The following CPQ variants were observed in gnomAD, a reference collection of about 807,000 sequenced individuals.
CPQ encodes the protein carboxypeptidase Q.
Under a neutral mutation model 45.7 loss-of-function variants are expected in CPQ, and 37 were observed. The ratio of observed to expected loss-of-function variants is 0.81; its 90% CI spans 0.62 to 1.07. The LOEUF is 1.07. CPQ is among the 50% of genes least tolerant of loss of function. CPQ has a pLI of 0.00. For synonymous variants in CPQ, 186 were observed against 205.8 expected (o/e 0.90, Z 0.82); for missense variants, 537 against 572.9 (o/e 0.94, Z 0.64).
At chr8:97,065,326 T>C (rs1031069509) in intron 6 of CPQ, among the ~76,000 whole-genome samples, 12 of 152,250 alleles carry the variant, frequency 7.9e-5, no homozygotes, top group Non-Finnish European at 1.8e-4. Flanking sequence ...CTGTGTGCTT[T>C]CTTACCAGAC....
intron 7 of CPQ, among the ~76,000 whole-genome samples, chr8:97,129,848 C>G (rs951358410): frequency 6.6e-6 from 1 of 151,640 alleles, no homozygotes; most frequent in Non-Finnish European, 1.5e-5. Context: ...ATTATGCCCA[C>G]CACTCTTTCC....
intron 7 of CPQ, among the ~76,000 whole-genome samples, chr8:97,133,562 A>G (rs1242504725): frequency 6.6e-6 from 1 of 152,240 alleles, no homozygotes; most frequent in African/African-American, 2.4e-5. Context: ...TAATGAGAAT[A>G]TCAGTAAGAT....
At chr8:97,004,198 T>G (rs1384155363) in intron 5 of CPQ, among the ~76,000 whole-genome samples, 2 of 151,320 alleles carry the variant, frequency 1.3e-5, no homozygotes, top group African/African-American at 4.9e-5. Flanking sequence ...ACATAAAATA[T>G]TCATACAAAT....
chr8:96,763,657 A>G (rs1251977343), intron 1 of CPQ, among the ~76,000 whole-genome samples: 1 of 152,148 alleles, frequency 6.6e-6, no homozygotes, highest in African/African-American at 2.4e-5. Flanking sequence ...GGGACTACTC[A>G]TATCCAGAAT....
intron 4 of CPQ, among the ~76,000 whole-genome samples, chr8:96,906,996 TGATA>T (rs1192529913): frequency 1.3e-5 from 2 of 152,194 alleles, no homozygotes; most frequent in Non-Finnish European, 2.9e-5. Context: ...CAAGGCAGAT[TGATA>T]GAGACAGCTC....
chr8:96,825,872 C>T (rs1307920454), intron 2 of CPQ, among the ~76,000 whole-genome samples: 2 of 151,940 alleles, frequency 1.3e-5, no homozygotes, highest in East Asian at 3.9e-4. Context: ...TTATTTTAGC[C>T]CTCTAATATA....
chr8:96,661,592 C>T, intron 1 of CPQ, among the ~76,000 whole-genome samples: 1 of 152,180 alleles, frequency 6.6e-6, no homozygotes, highest in East Asian at 1.9e-4. Flanking sequence ...ATTTACTTCT[C>T]CTCCCTGTCT....
At chr8:97,118,816 A>AT (rs2130603450) in intron 7 of CPQ, among the ~76,000 whole-genome samples, 1 of 152,314 alleles carries the variant, frequency 6.6e-6, no homozygotes, top group East Asian at 1.9e-4. Flanking sequence ...TATATAGCAT[A>AT]TATACACACA....
intron 6 of CPQ, among the ~76,000 whole-genome samples, chr8:97,052,425 A>G (rs1031547370): frequency 6.6e-6 from 1 of 152,224 alleles, no homozygotes; most frequent in Non-Finnish European, 1.5e-5. Flanking sequence ...TAGTCCCAGG[A>G]CACATTTATT....
In CPQ at chr8:96,995,656, G is replaced by GT. The variant is rs368110623; in HGVS notation, c.961+29623dup. On this transcript the variant is annotated intron_variant, in intron 5 of 7. Transcript: ENST00000220763. Reference sequence around the variant, plus strand: ...CTGAGCTGAAATTTAGACTTGTGAGGTTTTTTTTTTTTTAAAAAAAAAACA... The same window carrying GT: ...CTGAGCTGAAATTTAGACTTGTGAGGTTTTTTTTTTTTTTAAAAAAAAAACA... Among the ~76,000 whole-genome samples, 561 of 142,344 alleles carry GT rather than the reference G, an allele frequency of 3.9e-3. 3 individuals carry two copies. The highest frequency in any genetic ancestry group is 0.013 in the South Asian group (56 of 4,436). 93.4% of individuals were successfully genotyped at this position (142,344 alleles called of 152,430 possible). A position where few individuals can be genotyped will look rare whatever the true frequency, so the allele number is the denominator to read the frequency against.
intron 4 of CPQ, among the ~76,000 whole-genome samples, chr8:96,935,217 G>T (rs1813029137): frequency 6.6e-6 from 1 of 152,090 alleles, no homozygotes; most frequent in Non-Finnish European, 1.5e-5. Context: ...ATGGCAACAG[G>T]CTTATATCCT....
chr8:96,854,869 C>G (rs191182821), intron 3 of CPQ, among the ~76,000 whole-genome samples: 3 of 152,170 alleles, frequency 2.0e-5, no homozygotes, highest in Non-Finnish European at 4.4e-5. Context: ...ACTTCAAATG[C>G]AAAGGCAGGA....
intron 7 of CPQ, among the ~76,000 whole-genome samples, chr8:97,080,545 C>A (rs1372509697): frequency 2.0e-5 from 3 of 152,068 alleles, no homozygotes; most frequent in Non-Finnish European, 4.4e-5. Flanking sequence ...CAATAAACTG[C>A]CTAGTTTGGA....
At chr8:96,807,648 A>G (rs1338975770) in intron 2 of CPQ, among the ~76,000 whole-genome samples, 1 of 152,146 alleles carries the variant, frequency 6.6e-6, no homozygotes, top group East Asian at 1.9e-4. Context: ...TCCTTTCACT[A>G]CACTATGTAT....
intron 4 of CPQ, among the ~76,000 whole-genome samples, chr8:96,892,150 G>A (rs896056855): frequency 3.9e-5 from 6 of 152,120 alleles, no homozygotes; most frequent in African/African-American, 1.2e-4. Context: ...TAATGTATAT[G>A]TGTTTTTAGA....
intron 7 of CPQ, among the ~76,000 whole-genome samples, chr8:97,089,565 T>TA (rs886909342): frequency 1.4e-4 from 21 of 152,084 alleles, no homozygotes; most frequent in African/African-American, 5.1e-4. Flanking sequence ...GAGGATCTTT[T>TA]AAAAAAAATT....
chr8:97,082,752 C>T (rs2130553833), intron 7 of CPQ, among the ~76,000 whole-genome samples: 1 of 152,286 alleles, frequency 6.6e-6, no homozygotes, highest in African/African-American at 2.4e-5. Flanking sequence ...TCCCAGCAAT[C>T]TGCATTATTG....
intron 7 of CPQ, among the ~76,000 whole-genome samples, chr8:97,140,933 G>A (rs553311638): frequency 3.3e-5 from 5 of 152,036 alleles, no homozygotes; most frequent in African/African-American, 7.2e-5. Flanking sequence ...AATCCGTACC[G>A]CAGATCAGTG....
At chr8:96,716,635 C>T (rs529107997) in intron 1 of CPQ, among the ~76,000 whole-genome samples, 3 of 152,256 alleles carry the variant, frequency 2.0e-5, no homozygotes, top group Non-Finnish European at 4.4e-5. Flanking sequence ...CAGCTAGGTG[C>T]AGTGGCTCAT....
Sources: allele counts gnomAD v4.1 joint callset (sites outside exome capture counted in the v4.1 genomes callset), GRCh38; gene constraint gnomAD v4.1.1; transcripts MANE v1.5; gene names NCBI Gene and HGNC (gene_info 2026-07-23, HGNC 2026-07-21).